Variants in RBPJ observed in about 807,000 individuals in gnomAD.
RBPJ encodes recombination signal binding protein for immunoglobulin kappa J region.
Under a neutral mutation model 67.8 loss-of-function variants are expected in RBPJ, and 9 were observed. The observed-to-expected ratio is 0.13, with a 90% CI of 0.08 to 0.23. RBPJ has a LOEUF of 0.23. RBPJ is among the 10% of genes least tolerant of loss of function. The probability of loss-of-function intolerance (pLI) is 1.00; values close to 1 mark genes in which losing one functional copy is unlikely to be tolerated. For missense variants in RBPJ, 305 were observed against 595.6 expected (o/e 0.51, Z 5.08); for synonymous variants, 198 against 203.3 (o/e 0.97, Z 0.22).
At chr4:26,130,513 A>AT in the RBPJ span, among the ~76,000 whole-genome samples, 2 of 151,694 alleles carry the variant, frequency 1.3e-5, no homozygotes, top group African/African-American at 4.8e-5. Flanking sequence ...CTCAGTCCTT[A>AT]TTTTTTCAAG....
chr4:26,170,125 G>A lies in RBPJ; in HGVS notation c.-167+6511G>A, dbSNP rs559228386. 1.6e-4 allele frequency among the ~76,000 whole-genome samples: 25 copies of A among 152,212 alleles called. No homozygotes were observed. The East Asian group carries it at 2.1e-3, about 13-fold the overall frequency. ...TGGCACTCCCTAGTGAGATGAACCC[G>A]GTACCTCAGATGGAAATGCAGAAAT... On this transcript the variant is annotated intron_variant, in intron 1 of 4. Transcript: ENST00000512351.
chr4:26,332,468 T>A (rs1398140148), intron 1 of RBPJ, among the ~76,000 whole-genome samples: 1 of 152,224 alleles, frequency 6.6e-6, no homozygotes, highest in Non-Finnish European at 1.5e-5. Flanking sequence ...TTTGTTTAAA[T>A]TCTAATGTAA....
rs532380724 is a variant in RBPJ at position 26,348,090 on chromosome 4, T to C, written c.20+27042T>C. 2.0e-3 allele frequency among the ~76,000 whole-genome samples: 300 copies of C among 152,032 alleles called. 3 individuals carry two copies. The highest frequency in any genetic ancestry group is 7.0e-3 in the African/African-American group (289 of 41,470). On this transcript the variant is annotated intron_variant, in intron 1 of 10. Coordinates refer to ENST00000355476, the MANE Select transcript of RBPJ (RefSeq NM_015874.6). ...GATTCTCCTGCCTCAGCCTCCTGAG[T>C]AGCTGGGATTACAGGCACACGCTAC...
chr4:26,399,955 AGGCG>A, intron 2 of RBPJ, among the ~76,000 whole-genome samples: 1 of 152,186 alleles, frequency 6.6e-6, no homozygotes, highest in African/African-American at 2.4e-5. Flanking sequence ...CTGTGATTAC[AGGCG>A]TAATCCAATT....
intron 3 of RBPJ, among the ~76,000 whole-genome samples, chr4:26,410,500 G>A (rs1318562198): frequency 1.3e-5 from 2 of 152,294 alleles, no homozygotes; most frequent in South Asian, 2.1e-4. Context: ...GAGCTTTCTT[G>A]AAGGAAGTAA....
intron 1 of RBPJ, among the ~76,000 whole-genome samples, chr4:26,282,134 CTCTTTTTTT>C (rs769219431): frequency 1.2e-4 from 15 of 126,606 alleles, no homozygotes; most frequent in African/African-American, 4.5e-4. Flanking sequence ...CTCTCTCTCT[CTCTTTTTTT>C]TTTTTTTTTT....
intron 1 of RBPJ, among the ~76,000 whole-genome samples, chr4:26,298,066 A>T (rs1383920861): frequency 6.6e-6 from 1 of 152,184 alleles, no homozygotes; most frequent in East Asian, 1.9e-4. Context: ...CATGAAACGG[A>T]TTAATGTTTT....
intron 1 of RBPJ, among the ~76,000 whole-genome samples, chr4:26,204,501 T>C (rs1242451589): frequency 1.3e-5 from 2 of 152,190 alleles, no homozygotes; most frequent in Non-Finnish European, 2.9e-5. Context: ...CACAATGTGC[T>C]TATGAGCGTG....
the RBPJ span, among the ~76,000 whole-genome samples, chr4:26,118,136 A>G: frequency 2.0e-5 from 3 of 152,086 alleles, no homozygotes; most frequent in Non-Finnish European, 4.4e-5. Context: ...ATATATATTC[A>G]CCCATATATA....
chr4:26,191,204 TATATATAGAGAGAG>T (rs1204203628), intron 1 of RBPJ, among the ~76,000 whole-genome samples: 426 of 31,800 alleles, frequency 0.013, 4 homozygotes, highest in South Asian at 0.03. Flanking sequence ...TATATATATA[TATATATAGAGAGAG>T]AGAGAGAGAG....
chr4:26,217,755 C>T (rs1056048332), intron 1 of RBPJ, among the ~76,000 whole-genome samples: 1 of 152,174 alleles, frequency 6.6e-6, no homozygotes, highest in Admixed American at 6.5e-5. Flanking sequence ...ATTCCTTCCA[C>T]TATGACAAAA....
At chr4:26,123,062 A>G in the RBPJ span, among the ~76,000 whole-genome samples, 3 of 152,330 alleles carry the variant, frequency 2.0e-5, no homozygotes, top group South Asian at 2.1e-4. Flanking sequence ...TAACGGGTTT[A>G]TGTTCTGAGA....
At chr4:26,319,701 A>C (rs950057400), upstream of RBPJ, 10 of 699,558 alleles carry the variant, frequency 1.4e-5, no homozygotes, top group Non-Finnish European at 2.4e-5. Flanking sequence ...GTGAGACTGG[A>C]CTGCCCGCAT....
At chr4:26,387,479 C>T (rs1039790489) in intron 2 of RBPJ, among the ~76,000 whole-genome samples, 1 of 152,044 alleles carries the variant, frequency 6.6e-6, no homozygotes, top group Non-Finnish European at 1.5e-5. Context: ...AGATGCATGT[C>T]GCCTAATAAA....
At chr4:26,262,060 C>T (rs1577368197) in intron 1 of RBPJ, among the ~76,000 whole-genome samples, 2 of 152,202 alleles carry the variant, frequency 1.3e-5, no homozygotes, top group African/African-American at 4.8e-5. Flanking sequence ...GTCCTCCCAC[C>T]TCAGCCTCCT....
chr4:26,225,011 A>G (rs1719034554), intron 1 of RBPJ, among the ~76,000 whole-genome samples: 1 of 152,260 alleles, frequency 6.6e-6, no homozygotes, highest in African/African-American at 2.4e-5. Context: ...GAAAAGAACC[A>G]GGGAGGCATA....
intron 3 of RBPJ, among the ~76,000 whole-genome samples, chr4:26,412,366 G>A (rs935401996): frequency 1.2e-4 from 18 of 151,938 alleles, no homozygotes; most frequent in African/African-American, 4.4e-4. Flanking sequence ...TGAGTAACTG[G>A]GACTACAGGC....
At position 26,321,053 on chromosome 4, in the gene RBPJ, G is replaced by A. The variant is rs760784480; in HGVS notation, c.20+5G>A. On this transcript the variant is annotated splice_donor_5th_base_variant and intron_variant, in intron 1 of 10. Coordinates refer to ENST00000355476, the MANE Select transcript of RBPJ (RefSeq NM_015874.6). ...GATGGCGCCTGTTGTGACAGGGTAA[G>A]TCTGAGGGAATCGGAGCGCCGGGAA... The A allele has an allele frequency of 1.2e-6, 2 of 1,606,664 alleles. No homozygotes were observed. The highest frequency in any genetic ancestry group is 1.1e-5 in the South Asian group (1 of 90,908).
chr4:26,216,038 G>A (rs536732744), intron 1 of RBPJ, among the ~76,000 whole-genome samples: 6 of 152,066 alleles, frequency 3.9e-5, no homozygotes, highest in African/African-American at 1.2e-4. Context: ...CAAAGACCCC[G>A]GGGGAAATTC....
Sources: gnomAD v4.1 joint callset for allele counts (sites outside exome capture counted in the v4.1 genomes callset) on GRCh38, gnomAD v4.1.1 for gene constraint, MANE v1.5 for transcripts, NCBI Gene and HGNC (gene_info 2026-07-23, HGNC 2026-07-21) for gene names.